Variants in GANC observed in about 807,000 individuals in gnomAD.
The protein encoded by GANC is neutral alpha-glucosidase C.
GANC carries 117 observed loss-of-function variants against 124.2 expected under a neutral mutation model. That is an observed-to-expected ratio of 0.94 (90% CI 0.81 to 1.10). The LOEUF (loss-of-function observed/expected upper bound fraction) is 1.10, where lower values mean the gene tolerates loss of function less well. Among genes scored for constraint, GANC ranks in the 50% least tolerant of loss-of-function variants. The pLI is 0.00. For synonymous variants in GANC, 377 were observed against 376.8 expected (o/e 1.00, Z -0.01); for missense variants, 1,140 against 1,095.0 (o/e 1.04, Z -0.58).
At chr15:42,324,339 C>T (rs1355684944) in intron 11 of GANC, among the ~76,000 whole-genome samples, 1 of 151,874 alleles carries the variant, frequency 6.6e-6, no homozygotes, top group Non-Finnish European at 1.5e-5. Context: ...GGTAGGAATG[C>T]AAAATGGTAC....
intron 14 of GANC, among the ~76,000 whole-genome samples, chr15:42,329,710 GGA>G (rs1263769651): frequency 1.3e-5 from 2 of 152,076 alleles, no homozygotes; most frequent in Non-Finnish European, 2.9e-5. Context: ...TGCCTTGATA[GGA>G]GCCATTAATA....
intron 10 of GANC, among the ~76,000 whole-genome samples, chr15:42,315,053 C>T (rs994188151): frequency 2.6e-5 from 4 of 152,172 alleles, no homozygotes; most frequent in African/African-American, 7.2e-5. Flanking sequence ...GTCAAAGGCA[C>T]GTACTCAGTA....
chr15:42,319,475 G>A (rs2052138338), intron 10 of GANC, among the ~76,000 whole-genome samples: 1 of 151,866 alleles, frequency 6.6e-6, no homozygotes, highest in Non-Finnish European at 1.5e-5. Context: ...CTCCTGAGTA[G>A]CTGGGACTGT....
At chr15:42,307,861 T>C (rs949932166) in intron 7 of GANC, among the ~76,000 whole-genome samples, 1 of 152,150 alleles carries the variant, frequency 6.6e-6, no homozygotes, top group Non-Finnish European at 1.5e-5. Context: ...TATCCTTTGC[T>C]TCCTAAAGCA....
Position 42,273,506 on chromosome 15 carries a change from C to A in GANC, c.-976C>A. The A allele has an allele frequency of 6.6e-7, 1 of 1,523,464 alleles. No individual in the cohort carries two copies. Among genetic ancestry groups the A allele is most frequent in the Non-Finnish European group, 8.8e-7 (1 of 1,137,630 alleles). The allele number at this position is 1,523,464 out of a possible 1,614,324, so 94.4% of individuals were successfully genotyped here. ...GGGATTATCCGGGTCCTGGAAACGT[C>A]GCGGAGCTTGTTTGCTGTGCGGCGT... On this transcript the variant is annotated 5_prime_UTR_variant, in exon 1 of 24. Transcript: ENST00000318010.
At chr15:42,301,965 A>G (rs1167662216) in intron 6 of GANC, among the ~76,000 whole-genome samples, 2 of 152,242 alleles carry the variant, frequency 1.3e-5, no homozygotes, top group African/African-American at 4.8e-5. Context: ...AGCTCTGAAG[A>G]GAGCAGCGGG....
intron 3 of GANC, among the ~76,000 whole-genome samples, chr15:42,280,140 C>T (rs745604070): frequency 6.2e-4 from 95 of 152,230 alleles, no homozygotes; most frequent in Non-Finnish European, 1.0e-3. Context: ...GTTATTGTGG[C>T]GGTACATTTA....
At chr15:42,351,503 G>A (rs1595788414) in intron 23 of GANC, 71 bp downstream of exon 23, 2 of 1,064,428 alleles carry the variant, frequency 1.9e-6, no homozygotes, top group East Asian at 4.8e-5. Context: ...GAGATGATTA[G>A]TCCCCAAACG....
intron 20 of GANC, among the ~76,000 whole-genome samples, chr15:42,347,746 A>G (rs1396877045): frequency 2.0e-5 from 3 of 152,220 alleles, no homozygotes; most frequent in Non-Finnish European, 4.4e-5. Flanking sequence ...ATAAGCATGT[A>G]TATACTACAC....
At chr15:42,289,086 A>G (rs1265269178) in intron 4 of GANC, among the ~76,000 whole-genome samples, 3 of 152,146 alleles carry the variant, frequency 2.0e-5, no homozygotes, top group Non-Finnish European at 4.4e-5. Flanking sequence ...TTCTGTACTG[A>G]GTTCTTTCTA....
At chr15:42,325,953 C>T (rs966572912) in intron 11 of GANC, among the ~76,000 whole-genome samples, 2 of 152,056 alleles carry the variant, frequency 1.3e-5, no homozygotes, top group African/African-American at 4.8e-5. Context: ...AGACAGTGTT[C>T]CACTATGTTG....
At chr15:42,295,357 T>C (rs2051880451) in intron 5 of GANC, among the ~76,000 whole-genome samples, 1 of 152,140 alleles carries the variant, frequency 6.6e-6, no homozygotes, top group Admixed American at 6.6e-5. Flanking sequence ...TTTATATTTA[T>C]AATTATATTT....
intron 1 of GANC, among the ~76,000 whole-genome samples, chr15:42,274,831 G>A (rs1368547056): frequency 3.3e-5 from 5 of 151,992 alleles, no homozygotes; most frequent in African/African-American, 1.2e-4. Context: ...CTGGGAGGAT[G>A]GATTTGGAGG....
intron 3 of GANC, 136 bp downstream of exon 3, chr15:42,278,726 G>A: frequency 5.0e-6 from 3 of 598,540 alleles, no homozygotes; most frequent in South Asian, 4.2e-5. Context: ...GTGATTAGTG[G>A]CTCACGCCTG....
Position 42,348,124 on chromosome 15 carries a change from G to A in GANC, c.2326G>A (p.Gly776Arg). 1 of 1,610,710 alleles carries A rather than the reference G, an allele frequency of 6.2e-7. No individual in the cohort carries two copies. The highest frequency in any genetic ancestry group is 8.5e-7 in the Non-Finnish European group (1 of 1,178,420). The change falls in exon 21 of 24, where the codon GGA (glycine) becomes AGA (arginine). Residue 776 changes from glycine (G) to arginine (R), a missense_variant. Gly to Arg is a moderately radical substitution (Grantham distance 125). Transcript: ENST00000318010. ...LDTIPVFQRG[G>R]SVIPIKTTVG... ...ACAGATTCCAGTGTTTCAGCGAGGTGGAAGTGTGATACCAATAAAGACAAC... is the reference window on the plus strand; with the variant it reads ...ACAGATTCCAGTGTTTCAGCGAGGTAGAAGTGTGATACCAATAAAGACAAC...
Position 42,320,209 on chromosome 15 carries a change from A to T in GANC, c.1058-1576A>T, listed in dbSNP as rs967156388. Among the ~76,000 whole-genome samples the T allele has an allele frequency of 6.6e-3, 27 of 4,072 alleles. No homozygotes were observed. In the Non-Finnish European group the frequency reaches 0.27, roughly 41 times the overall value. 2.7% of individuals were successfully genotyped at this position (4,072 alleles called of 152,430 possible). Reference sequence around the variant, plus strand: ...AAAATAAATTAATTAATTAATTTTAAAAAAAAGTTTCAGATTTTAAAGTAT... The same window carrying T: ...AAAATAAATTAATTAATTAATTTTATAAAAAAGTTTCAGATTTTAAAGTAT... On this transcript the variant is annotated intron_variant, in intron 10 of 23. Transcript: ENST00000318010.
intron 23 of GANC, 78 bp downstream of exon 23, chr15:42,351,510 A>T (rs1444635592): frequency 1.0e-5 from 10 of 1,004,720 alleles, no homozygotes; most frequent in Non-Finnish European, 1.4e-5. Flanking sequence ...TTAGTCCCCA[A>T]ACGGAGATAA....
At position 42,278,542 on chromosome 15, in the gene GANC, A is replaced by G. The variant is rs1254581393; in HGVS notation, c.153A>G (p.Thr51=). 1 of 1,613,358 alleles carries G rather than the reference A, an allele frequency of 6.2e-7. No homozygotes were observed. The highest frequency in any genetic ancestry group is 8.5e-7 in the Non-Finnish European group (1 of 1,179,614). Residue 51 remains threonine (T), a synonymous_variant, in exon 3 of 24, where the codon ACA becomes ACG. Transcript: ENST00000318010. Reference sequence around the variant, plus strand: ...ATCAGGCATTATTGGATTCAGTCACAACAGATGAAGACAGCACCAGGTTCC... The same window carrying G: ...ATCAGGCATTATTGGATTCAGTCACGACAGATGAAGACAGCACCAGGTTCC... The part of the protein sequence containing the change: ...STYQALLDSV[T]TDEDSTRFQI...
chr15:42,310,217 C>A, intron 8 of GANC, 66 bp from the exon 9 acceptor site: 1 of 1,201,934 alleles, frequency 8.3e-7, no homozygotes. Context: ...AAGAGTAGAG[C>A]TGTTCTATTT....
Sources: gnomAD v4.1 joint callset for allele counts (sites outside exome capture counted in the v4.1 genomes callset) on GRCh38, gnomAD v4.1.1 for gene constraint, MANE v1.5 for transcripts, NCBI Gene and HGNC (gene_info 2026-07-23, HGNC 2026-07-21) for gene names.